The following GEN1 variants were observed in gnomAD, a reference collection of about 807,000 sequenced individuals.
GEN1 encodes flap endonuclease GEN homolog 1.
A neutral mutation model predicts 67.6 loss-of-function variants in GEN1; 64 were observed. The ratio of observed to expected loss-of-function variants is 0.95; its 90% CI spans 0.77 to 1.17. The LOEUF is 1.17. Among genes scored for constraint, GEN1 ranks in the 50% most tolerant of loss-of-function variants. GEN1 has a pLI of 0.00. For synonymous variants in GEN1, 371 were observed against 359.4 expected (o/e 1.03, Z -0.37); for missense variants, 1,058 against 1,048.3 (o/e 1.01, Z -0.13).
chr2:17,766,618 A>G lies in GEN1; in HGVS notation c.565A>G (p.Ser189Gly), dbSNP rs1167546786. Residue 189 changes from serine (S) to glycine (G), a missense_variant, in exon 5 of 14, where the codon AGT becomes GGT. Physicochemically the swap from Ser to Gly is moderately conservative, Grantham distance 56 (BLOSUM62 0). Transcript: ENST00000381254. The stretch of plus-strand genomic sequence containing the variant: ...CTGTTACACAATGTCATCTATCAAG[A>G]GTAAACTAGGTTTGGATAGAGATGC... ...VDCYTMSSIKSKLGLDRDALV... is the reference protein window; with the variant it reads ...VDCYTMSSIKGKLGLDRDALV... The G allele has an allele frequency of 2.5e-6, 4 of 1,609,090 alleles. No homozygotes were observed. The highest frequency in any genetic ancestry group is 3.4e-6 in the Non-Finnish European group (4 of 1,175,966).
intron 1 of GEN1, among the ~76,000 whole-genome samples, chr2:17,756,561 A>G (rs1558393014): frequency 6.6e-6 from 1 of 152,198 alleles, no homozygotes; most frequent in African/African-American, 2.4e-5. Flanking sequence ...AGATGAAATT[A>G]TACATAGTTC....
intron 4 of GEN1, among the ~76,000 whole-genome samples, chr2:17,765,833 T>C (rs1482744761): frequency 6.6e-6 from 1 of 152,170 alleles, no homozygotes. Context: ...AAAAACGTAA[T>C]TAACAATAAA....
Position 17,781,267 on chromosome 2 carries a change from T to C in GEN1, c.2055T>C (p.Pro685=), listed in dbSNP as rs144098391. The change falls in exon 14 of 14, where the codon CCT becomes CCC. Residue 685 remains proline, a synonymous_variant. Transcript: ENST00000381254. ...KERIFTKLSY[P]QDNLQPDVNL... ...GAATATTTACAAAATTATCATATCC[T>C]CAGGATAATCTACAACCAGATGTCA... The C allele has an allele frequency of 6.5e-5, 105 of 1,613,554 alleles. No individual in the cohort carries two copies. The African/African-American group carries it at 1.3e-3, about 20-fold the overall frequency.
In GEN1 at chr2:17,764,980, T is replaced by C; in HGVS notation, c.432T>C (p.Ala144=). The change falls in exon 4 of 14, where the codon GCT becomes GCC. Residue 144 remains alanine, a synonymous_variant. Transcript: ENST00000381254. ...EAEAMCAYLN[A]GGHVDGCLTN... is the part of the protein sequence containing the mutation. The stretch of plus-strand genomic sequence containing the variant: ...AAGCCATGTGTGCTTATCTCAATGC[T>C]GGTGGTCATGTCGATGGCTGCCTCA... The C allele has an allele frequency of 6.2e-7, 1 of 1,614,198 alleles. No homozygotes were observed. The highest frequency in any genetic ancestry group is 1.1e-5 in the South Asian group (1 of 91,084).
chr2:17,768,821 A>T lies in GEN1; in HGVS notation c.710+10A>T, dbSNP rs543236241. 2.9e-5 allele frequency: 43 copies of T among 1,504,080 alleles called. No homozygotes were observed. The highest frequency in any genetic ancestry group is 2.8e-6 in the Non-Finnish European group (3 of 1,081,846). The allele number at this position is 1,504,080 out of a possible 1,614,324, so 93.2% of individuals were successfully genotyped here. On this transcript the variant is annotated intron_variant, in intron 6 of 13. Coordinates refer to ENST00000381254, the MANE Select transcript of GEN1 (RefSeq NM_001130009.3). ...AAAGTTTACTTCAGAGGTAACTAAT[A>T]ATTACTTTCTCTTGTGACATTGAAC...
rs748462049 is a variant in GEN1, at chr2:17,781,507, C to T, written c.2295C>T (p.Thr765=). ...PYSVSNTVVK[T]CNVRPPNTAL... is the part of the protein sequence containing the mutation. ...CTGTCAGTAACACAGTGGTAAAGAC[C>T]TGCAATGTTAGACCACCAAATACTG... Residue 765 remains threonine, a synonymous_variant, in exon 14 of 14, where the codon ACC becomes ACT. Transcript: ENST00000381254. The T allele has an allele frequency of 1.2e-5, 19 of 1,613,468 alleles. No homozygotes were observed. The highest frequency in any genetic ancestry group is 3.4e-6 in the Non-Finnish European group (4 of 1,179,946).
intron 6 of GEN1, among the ~76,000 whole-genome samples, chr2:17,770,362 A>G (rs1228798794): frequency 6.6e-6 from 1 of 152,152 alleles, no homozygotes; most frequent in Non-Finnish European, 1.5e-5. Flanking sequence ...CTAATTTTTA[A>G]CAGGCTTGTA....
intron 1 of GEN1, among the ~76,000 whole-genome samples, chr2:17,757,027 G>T (rs536323155): frequency 2.1e-3 from 314 of 152,276 alleles, no homozygotes; most frequent in Middle Eastern, 6.8e-3. Flanking sequence ...ATATTATGAT[G>T]TTCTTTCTAA....
intron 1 of GEN1, 132 bp from the exon 2 acceptor site, chr2:17,759,797 G>T (rs752506359): frequency 3.0e-6 from 2 of 677,336 alleles, no homozygotes; most frequent in African/African-American, 1.8e-5. Flanking sequence ...ATTTTGAAAC[G>T]CTGACTGATG....
At chr2:17,776,611 A>C (rs1672445815) in intron 11 of GEN1, among the ~76,000 whole-genome samples, 1 of 152,226 alleles carries the variant, frequency 6.6e-6, no homozygotes, top group Admixed American at 6.5e-5. Context: ...GAAATTTTTC[A>C]GAATAAACAG....
chr2:17,754,790 A>G (rs1035807553), intron 1 of GEN1: 1 of 152,236 alleles, frequency 6.6e-6, no homozygotes, highest in Non-Finnish European at 1.5e-5. Flanking sequence ...AGTTATTTAC[A>G]ATCAGTCTTT....
intron 1 of GEN1, among the ~76,000 whole-genome samples, chr2:17,757,865 T>C (rs772604594): frequency 1.3e-5 from 2 of 152,340 alleles, no homozygotes; most frequent in East Asian, 1.9e-4. Flanking sequence ...ATTTTTTAAC[T>C]TTTTTCTAAT....
At chr2:17,778,251 T>A (rs866830161) in intron 12 of GEN1, among the ~76,000 whole-genome samples, 188 bp downstream of exon 12, 1 of 106,136 alleles carries the variant, frequency 9.4e-6, no homozygotes, top group Non-Finnish European at 1.8e-5. Context: ...CATATATGTA[T>A]ACACACATAT....
At chr2:17,755,900 A>G (rs1408998409) in intron 1 of GEN1, 1 of 152,220 alleles carries the variant, frequency 6.6e-6, no homozygotes, top group African/African-American at 2.4e-5. Flanking sequence ...AGGAACTTAA[A>G]TTGATTTATG....
chr2:17,770,766 A>G (rs1340306156), intron 6 of GEN1, among the ~76,000 whole-genome samples: 1 of 151,972 alleles, frequency 6.6e-6, no homozygotes, highest in African/African-American at 2.4e-5. Flanking sequence ...TTAATTTTAT[A>G]TATTACTCTT....
At chr2:17,765,964 TA>T (rs1671912413) in intron 4 of GEN1, among the ~76,000 whole-genome samples, 1 of 151,594 alleles carries the variant, frequency 6.6e-6, no homozygotes, top group Non-Finnish European at 1.5e-5. Flanking sequence ...TATATATATA[TA>T]TGTTACAGTG....
In GEN1 at chr2:17,785,035, T is replaced by G. The variant is rs1276890864; in HGVS notation, c.*3096T>G. The stretch of plus-strand genomic sequence containing the variant: ...GATCAGCGGTGGCATTAGAGTCTCA[T>G]AGGAGCATGAACCCTATTGTGAACT... On this transcript the variant is annotated 3_prime_UTR_variant, in exon 14 of 14. Coordinates refer to ENST00000381254, the MANE Select transcript of GEN1 (RefSeq NM_001130009.3). 6.6e-6 allele frequency: 1 copy of G among 152,174 alleles called. No homozygotes were observed. The highest frequency in any genetic ancestry group is 1.5e-5 in the Non-Finnish European group (1 of 68,048). The allele number at this position is 152,174 out of a possible 1,614,324, so 9.4% of individuals were successfully genotyped here.
At chr2:17,774,519 A>G (rs1471369291) in intron 11 of GEN1, 118 bp downstream of exon 11, 1 of 692,696 alleles carries the variant, frequency 1.4e-6, no homozygotes, top group African/African-American at 1.9e-5. Context: ...CTCCTGGAAT[A>G]TTAAAAGCTT....
rs1558408595 is a variant in GEN1 at position 17,778,191 on chromosome 2, C to CACATAGATATGTGTATATATATGTAT, written c.1264+131_1264+132insTAGATATGTGTATATATATGTATACA. 1,601 of 404,166 alleles carry CACATAGATATGTGTATATATATGTAT rather than the reference C, an allele frequency of 4.0e-3. 72 individuals are homozygous for CACATAGATATGTGTATATATATGTAT. In the Admixed American group the frequency reaches 0.04, roughly 10 times the overall value. The allele number at this position is 404,166 out of a possible 1,614,324, so 25.0% of individuals were successfully genotyped here. A position where few individuals can be genotyped will look rare whatever the true frequency, so the allele number is the denominator to read the frequency against. On this transcript the variant is annotated intron_variant, in intron 12 of 13. Coordinates refer to ENST00000381254, the MANE Select transcript of GEN1 (RefSeq NM_001130009.3). Reference sequence around the variant, plus strand: ...AGATATGTGTATATATATATATACACACACACATATATGTGTATATATATG... The same window carrying CACATAGATATGTGTATATATATGTAT: ...AGATATGTGTATATATATATATACACACATAGATATGTGTATATATATGTATACACACATATATGTGTATATATATG...
Sources: allele counts gnomAD v4.1 joint callset (sites outside exome capture counted in the v4.1 genomes callset), GRCh38; gene constraint gnomAD v4.1.1; transcripts MANE v1.5; gene names NCBI Gene and HGNC (gene_info 2026-07-23, HGNC 2026-07-21).